Variants in HDHD2 observed in about 807,000 individuals in gnomAD.
HDHD2 encodes the protein haloacid dehalogenase-like hydrolase domain-containing protein 2.
In HDHD2, 26 loss-of-function variants were observed where a neutral mutation model predicts 24.8. The observed-to-expected ratio is 1.05, with a 90% CI of 0.77 to 1.45. The LOEUF (loss-of-function observed/expected upper bound fraction) is 1.45, where lower values mean the gene tolerates loss of function less well. Among genes scored for constraint, HDHD2 ranks in the 40% most tolerant of loss-of-function variants. HDHD2 has a pLI of 0.00. For synonymous variants in HDHD2, 128 were observed against 114.9 expected (o/e 1.11, Z -0.73); for missense variants, 299 against 313.4 (o/e 0.95, Z 0.35).
chr18:47,127,371 A>G (rs151272713), intron 4 of HDHD2, among the ~76,000 whole-genome samples: 3 of 152,224 alleles, frequency 2.0e-5, no homozygotes, highest in Non-Finnish European at 4.4e-5. Flanking sequence ...ATGTATGTGT[A>G]TAGAAACAAA....
At chr18:47,138,822 TTC>T (rs1373587715) in intron 1 of HDHD2, among the ~76,000 whole-genome samples, 3 of 152,134 alleles carry the variant, frequency 2.0e-5, no homozygotes, top group Non-Finnish European at 4.4e-5. Context: ...TCCAGAGAGG[TTC>T]TGTCTCATAT....
intron 6 of HDHD2, chr18:47,110,017 C>T: frequency 2.0e-6 from 2 of 985,394 alleles, no homozygotes; most frequent in Non-Finnish European, 2.4e-6. Context: ...GCCCTGTAGC[C>T]ACCAGGGCTG....
chr18:47,117,840 T>G (rs969692702), intron 4 of HDHD2, among the ~76,000 whole-genome samples: 2 of 151,922 alleles, frequency 1.3e-5, no homozygotes, highest in South Asian at 4.1e-4. Context: ...GAAATAATTA[T>G]GCAACTTGCT....
At chr18:47,141,931 T>C (rs1340211682) in intron 1 of HDHD2, among the ~76,000 whole-genome samples, 2 of 152,152 alleles carry the variant, frequency 1.3e-5, no homozygotes, top group African/African-American at 2.4e-5. Context: ...GGTTCTCCCA[T>C]GGTGTTCTAG....
At chr18:47,110,468 A>G in intron 6 of HDHD2, 1 of 984,874 alleles carries the variant, frequency 1.0e-6, no homozygotes, top group Non-Finnish European at 1.2e-6. Context: ...TAATGACTAA[A>G]TATTACTATA....
rs2063748644 is a variant in HDHD2 at position 47,134,834 on chromosome 18, C to T, written c.102-130G>A. 5 of 681,526 alleles carry T rather than the reference C, an allele frequency of 7.3e-6. No homozygotes were observed. In the Admixed American group the frequency reaches 1.4e-4, roughly 19 times the overall value. The allele number at this position is 681,526 out of a possible 1,614,324, so 42.2% of individuals were successfully genotyped here. ...CATGACAATGTGTAGCCTCTTGCCC[C>T]TCCAGAATGGCAGGTTTACAGTTTA... On this transcript the variant is annotated intron_variant, in intron 2 of 6. Coordinates refer to ENST00000300605, the MANE Select transcript of HDHD2 (RefSeq NM_032124.5).
At chr18:47,129,177 T>C (rs1448891122) in intron 4 of HDHD2, among the ~76,000 whole-genome samples, 2 of 152,282 alleles carry the variant, frequency 1.3e-5, no homozygotes, top group Admixed American at 6.5e-5. Flanking sequence ...CATGAAAAAT[T>C]ACAAAATCCA....
chr18:47,117,259 G>C (rs1050476517), intron 4 of HDHD2, among the ~76,000 whole-genome samples: 9 of 152,176 alleles, frequency 5.9e-5, no homozygotes, highest in African/African-American at 2.2e-4. Context: ...GGTTGGCTGT[G>C]ACTATGGCTT....
At chr18:47,129,732 T>C (rs1034151658) in intron 4 of HDHD2, among the ~76,000 whole-genome samples, 14 of 152,150 alleles carry the variant, frequency 9.2e-5, no homozygotes, top group South Asian at 4.1e-4. Flanking sequence ...CTGTTTTCCT[T>C]TGGAGATTAG....
chr18:47,133,565 C>G (rs1418882663), intron 3 of HDHD2, among the ~76,000 whole-genome samples: 1 of 150,588 alleles, frequency 6.6e-6, no homozygotes, highest in Non-Finnish European at 1.5e-5. Context: ...CACTGTCTTC[C>G]ACAATGGTGA....
Position 47,112,961 on chromosome 18 carries a change from T to C in HDHD2, c.676+16A>G, listed in dbSNP as rs779087847. 6.9e-6 allele frequency: 11 copies of C among 1,603,828 alleles called. No homozygotes were observed. Among genetic ancestry groups the C allele is most frequent in the African/African-American group, 1.3e-5 (1 of 74,752 alleles). On this transcript the variant is annotated intron_variant, in intron 6 of 6. Transcript: ENST00000300605. ...CTATTCTGTTTTAGAAAATGCTTTA[T>C]ACAGAAGATACATACCAGTCTTTAC...
intron 6 of HDHD2, chr18:47,110,304 T>C (rs1232787006): frequency 1.0e-6 from 1 of 985,244 alleles, no homozygotes; most frequent in African/African-American, 1.7e-5. Flanking sequence ...TGTACAAAGG[T>C]AATTAATATA....
At chr18:47,133,335 T>A (rs968349115) in intron 3 of HDHD2, among the ~76,000 whole-genome samples, 1 of 152,094 alleles carries the variant, frequency 6.6e-6, no homozygotes, top group Non-Finnish European at 1.5e-5. Flanking sequence ...TCATCCTTTT[T>A]TATGGATGCA....
intron 4 of HDHD2, among the ~76,000 whole-genome samples, chr18:47,119,225 AG>A (rs1370970628): frequency 1.3e-5 from 2 of 152,186 alleles, no homozygotes; most frequent in Non-Finnish European, 2.9e-5. Context: ...ACAACAATGA[AG>A]CTTGCTGCAT....
chr18:47,142,179 A>G (rs960513314), intron 1 of HDHD2, among the ~76,000 whole-genome samples: 2 of 152,162 alleles, frequency 1.3e-5, no homozygotes, highest in African/African-American at 4.8e-5. Flanking sequence ...ACAGATTTTT[A>G]GATGATTGGG....
rs571385388 is a variant in HDHD2, at chr18:47,146,821, A to C, written c.-11+3557T>G. On this transcript the variant is annotated intron_variant, in intron 1 of 6. Coordinates refer to ENST00000300605, the MANE Select transcript of HDHD2 (RefSeq NM_032124.5). ...GGTGATAAAACTGTAAAGAGAAGCA[A>C]GGGAATGATTACCACAAGAGTGGGG... 1.1e-4 allele frequency among the ~76,000 whole-genome samples: 16 copies of C among 152,320 alleles called. No homozygotes were observed. The South Asian group carries it at 3.3e-3, about 32-fold the overall frequency.
chr18:47,116,897 T>C (rs576417749), intron 4 of HDHD2, among the ~76,000 whole-genome samples: 8 of 152,360 alleles, frequency 5.3e-5, no homozygotes, highest in African/African-American at 1.2e-4. Context: ...ATAAGACTTA[T>C]CAGCTTGATT....
At chr18:47,110,382 C>A (rs1174527433) in intron 6 of HDHD2, 2 of 985,302 alleles carry the variant, frequency 2.0e-6, no homozygotes, top group African/African-American at 1.7e-5. Flanking sequence ...AGCTCTACTG[C>A]CAGTTTTCTT....
intron 4 of HDHD2, among the ~76,000 whole-genome samples, chr18:47,118,509 C>T (rs1311195479): frequency 6.6e-6 from 1 of 152,148 alleles, no homozygotes; most frequent in Non-Finnish European, 1.5e-5. Context: ...CATGTTCTCA[C>T]TTATAAGTGG....
Sources: gnomAD v4.1 joint callset for allele counts (sites outside exome capture counted in the v4.1 genomes callset) on GRCh38, gnomAD v4.1.1 for gene constraint, MANE v1.5 for transcripts, NCBI Gene and HGNC (gene_info 2026-07-23, HGNC 2026-07-21) for gene names.